Variants in CNTNAP2 observed in about 807,000 individuals in gnomAD.
The protein encoded by CNTNAP2 is contactin-associated protein-like 2.
A neutral mutation model predicts 155.2 loss-of-function variants in CNTNAP2; 98 were observed. The ratio of observed to expected loss-of-function variants is 0.63; its 90% CI spans 0.54 to 0.75. The LOEUF is 0.75. Ranked by LOEUF, CNTNAP2 falls within the 30% of genes least tolerant of loss-of-function variation. CNTNAP2 has a pLI of 0.00. For missense variants in CNTNAP2, 1,727 were observed against 1,688.1 expected (o/e 1.02, Z -0.40); for synonymous variants, 651 against 631.2 (o/e 1.03, Z -0.47).
At chr7:146,550,607 T>C (rs1299344128) in intron 1 of CNTNAP2, among the ~76,000 whole-genome samples, 1 of 151,904 alleles carries the variant, frequency 6.6e-6, no homozygotes, top group African/African-American at 2.4e-5. Flanking sequence ...TATTTCCCCC[T>C]GTGTATTATG....
chr7:147,273,201 G>A (rs565840955), intron 8 of CNTNAP2, among the ~76,000 whole-genome samples: 73 of 152,146 alleles, frequency 4.8e-4, no homozygotes, highest in African/African-American at 1.7e-3. Flanking sequence ...ACCACTTCGC[G>A]CCGAAATTTA....
At chr7:147,675,114 A>T (rs1563049030) in intron 13 of CNTNAP2, among the ~76,000 whole-genome samples, 1 of 152,038 alleles carries the variant, frequency 6.6e-6, no homozygotes, top group Non-Finnish European at 1.5e-5. Context: ...TCCAGGGAAA[A>T]ATCCTTCCCT....
At chr7:146,288,873 C>T (rs566576466) in intron 1 of CNTNAP2, among the ~76,000 whole-genome samples, 64 of 136,900 alleles carry the variant, frequency 4.7e-4, no homozygotes, top group African/African-American at 1.5e-3. Flanking sequence ...GGTGCACTCT[C>T]GGCTCACTGC....
At chr7:146,450,119 G>T (rs1796457459) in intron 1 of CNTNAP2, among the ~76,000 whole-genome samples, 1 of 151,918 alleles carries the variant, frequency 6.6e-6, no homozygotes, top group Non-Finnish European at 1.5e-5. Context: ...CTTTTCCAAG[G>T]AGATAAAACA....
chr7:148,322,127 C>A (rs888218831), intron 21 of CNTNAP2, among the ~76,000 whole-genome samples: 1 of 151,704 alleles, frequency 6.6e-6, no homozygotes, highest in South Asian at 2.1e-4. Context: ...TTCACCATGT[C>A]GGCCAGGCTG....
chr7:147,906,500 T>G (rs1189704107), intron 14 of CNTNAP2, among the ~76,000 whole-genome samples: 1 of 151,772 alleles, frequency 6.6e-6, no homozygotes, highest in Non-Finnish European at 1.5e-5. Flanking sequence ...ATTTTTTATT[T>G]TTTTTTTTGA....
chr7:146,692,599 G>A (rs1240644555), intron 1 of CNTNAP2, among the ~76,000 whole-genome samples: 1 of 152,132 alleles, frequency 6.6e-6, no homozygotes, highest in Non-Finnish European at 1.5e-5. Flanking sequence ...TAGATAAAGA[G>A]TTTGGACCCT....
intron 16 of CNTNAP2, among the ~76,000 whole-genome samples, chr7:148,135,111 A>G (rs1804909505): frequency 6.6e-6 from 1 of 152,152 alleles, no homozygotes; most frequent in South Asian, 2.1e-4. Flanking sequence ...TAGTTTGAAA[A>G]CTTATAATTT....
At chr7:146,172,985 T>C (rs1255242968) in intron 1 of CNTNAP2, among the ~76,000 whole-genome samples, 1 of 152,182 alleles carries the variant, frequency 6.6e-6, no homozygotes, top group Non-Finnish European at 1.5e-5. Flanking sequence ...TGTGTTTTTT[T>C]TCTAATAAAA....
At chr7:146,254,637 T>C (rs1282293890) in intron 1 of CNTNAP2, among the ~76,000 whole-genome samples, 1 of 152,210 alleles carries the variant, frequency 6.6e-6, no homozygotes, top group Non-Finnish European at 1.5e-5. Flanking sequence ...CATGCCAATT[T>C]TGGGAAAACA....
chr7:146,602,415 A>G (rs929380670), intron 1 of CNTNAP2, among the ~76,000 whole-genome samples: 11 of 152,324 alleles, frequency 7.2e-5, no homozygotes, highest in Admixed American at 2.0e-4. Context: ...GATAAGAGAT[A>G]GAAAGACAGC....
intron 13 of CNTNAP2, among the ~76,000 whole-genome samples, chr7:147,659,372 T>A (rs1795579002): frequency 6.6e-6 from 1 of 152,222 alleles, no homozygotes; most frequent in Non-Finnish European, 1.5e-5. Context: ...AGATTTCAAT[T>A]TGAAATTGAC....
chr7:146,508,455 G>A (rs1797417286), intron 1 of CNTNAP2, among the ~76,000 whole-genome samples: 1 of 152,200 alleles, frequency 6.6e-6, no homozygotes, highest in Non-Finnish European at 1.5e-5. Context: ...CACTCCCACT[G>A]ACTGGCCTCT....
At chr7:147,456,955 TGTG>T (rs1797926922) in intron 10 of CNTNAP2, among the ~76,000 whole-genome samples, 1 of 152,196 alleles carries the variant, frequency 6.6e-6, no homozygotes, top group South Asian at 2.1e-4. Flanking sequence ...CTATAGAAAT[TGTG>T]GTCAATAACT....
At chr7:147,802,119 G>A (rs896286083) in intron 13 of CNTNAP2, among the ~76,000 whole-genome samples, 36 of 148,056 alleles carry the variant, frequency 2.4e-4, no homozygotes, top group Admixed American at 1.1e-3. Context: ...GGGCAGAGAC[G>A]CTCCTCACCT....
intron 1 of CNTNAP2, among the ~76,000 whole-genome samples, chr7:146,397,407 C>T (rs915052558): frequency 1.3e-5 from 2 of 152,188 alleles, no homozygotes; most frequent in Admixed American, 6.5e-5. Context: ...GTCATTTCTC[C>T]TGCCTAGATG....
intron 15 of CNTNAP2, among the ~76,000 whole-genome samples, chr7:148,080,604 CAAAAAAA>C (rs199500286): frequency 0.06 from 4,189 of 69,720 alleles, 83 homozygotes; most frequent in South Asian, 0.12. Flanking sequence ...GACTCCATCT[CAAAAAAA>C]AAAAAAAAAA....
intron 10 of CNTNAP2, among the ~76,000 whole-genome samples, chr7:147,464,052 T>G (rs12703914): frequency 6.6e-6 from 1 of 151,002 alleles, no homozygotes; most frequent in Non-Finnish European, 1.5e-5. Flanking sequence ...ACAATACATA[T>G]GTGTGTGCTT....
intron 3 of CNTNAP2, among the ~76,000 whole-genome samples, chr7:147,029,782 G>A (rs1207590760): frequency 6.6e-6 from 1 of 151,978 alleles, no homozygotes; most frequent in African/African-American, 2.4e-5. Flanking sequence ...AATATTTCAT[G>A]GCATAAATTT....
Sources: allele counts gnomAD v4.1 joint callset (sites outside exome capture counted in the v4.1 genomes callset), GRCh38; gene constraint gnomAD v4.1.1; transcripts MANE v1.5; gene names NCBI Gene and HGNC (gene_info 2026-07-23, HGNC 2026-07-21).